The following EPC1 variants were observed in gnomAD, a reference collection of about 807,000 sequenced individuals.
EPC1 encodes the protein enhancer of polycomb homolog 1.
EPC1 carries 12 observed loss-of-function variants against 98.4 expected under a neutral mutation model. The ratio of observed to expected loss-of-function variants is 0.12; its 90% CI spans 0.08 to 0.20. The LOEUF is 0.20. EPC1 is among the 10% of genes least tolerant of loss of function. The pLI, the probability that EPC1 is intolerant of heterozygous loss-of-function variation, is 1.00. For missense variants in EPC1, 729 were observed against 990.5 expected (o/e 0.74, Z 3.54); for synonymous variants, 357 against 363.9 (o/e 0.98, Z 0.21).
At chr10:32,324,591 ATAAG>A (rs1837152230) in intron 1 of EPC1, among the ~76,000 whole-genome samples, 1 of 152,010 alleles carries the variant, frequency 6.6e-6, no homozygotes. Context: ...TACTTAATAA[ATAAG>A]TAGATAAATT....
chr10:32,330,512 G>A (rs1035459588), intron 1 of EPC1, among the ~76,000 whole-genome samples: 19 of 152,090 alleles, frequency 1.2e-4, no homozygotes, highest in Non-Finnish European at 2.2e-4. Context: ...AGACACACAT[G>A]TATTAGGGAT....
At chr10:32,358,315 G>A (rs748339810) in intron 1 of EPC1, among the ~76,000 whole-genome samples, 4 of 152,116 alleles carry the variant, frequency 2.6e-5, no homozygotes, top group Non-Finnish European at 5.9e-5. Flanking sequence ...TAAAGAACAC[G>A]TATAATCTGA....
At chr10:32,343,991 C>CT (rs533144832) in intron 1 of EPC1, among the ~76,000 whole-genome samples, 24 of 152,076 alleles carry the variant, frequency 1.6e-4, no homozygotes, top group Non-Finnish European at 3.2e-4. Context: ...GGACTACATA[C>CT]TTTTTTTTCT....
intron 1 of EPC1, among the ~76,000 whole-genome samples, chr10:32,331,466 A>G (rs1390869886): frequency 6.6e-6 from 1 of 152,122 alleles, no homozygotes; most frequent in African/African-American, 2.4e-5. Context: ...AATATACAAA[A>G]GTTTATAGAG....
chr10:32,358,459 C>T (rs769909427), intron 1 of EPC1, among the ~76,000 whole-genome samples: 4 of 151,862 alleles, frequency 2.6e-5, no homozygotes, highest in Non-Finnish European at 4.4e-5. Context: ...GCCTGGGCAA[C>T]ATAATGAGAC....
intron 1 of EPC1, among the ~76,000 whole-genome samples, chr10:32,308,093 T>C (rs190830115): frequency 6.6e-6 from 1 of 152,290 alleles, no homozygotes; most frequent in Non-Finnish European, 1.5e-5. Context: ...GAGAACAGAA[T>C]ATGCCAATGT....
chr10:32,307,727 G>A (rs1169138958), intron 1 of EPC1, among the ~76,000 whole-genome samples: 1 of 152,072 alleles, frequency 6.6e-6, no homozygotes, highest in Non-Finnish European at 1.5e-5. Flanking sequence ...ACTGACACAG[G>A]GCATTTTTGC....
chr10:32,319,529 C>T (rs1952310), intron 1 of EPC1, among the ~76,000 whole-genome samples: 17 of 152,198 alleles, frequency 1.1e-4, no homozygotes, highest in Admixed American at 1.1e-3. Flanking sequence ...CACGATATCC[C>T]TTATGTGACA....
chr10:32,286,629 A>C (rs1836690659), intron 9 of EPC1, 65 bp downstream of exon 9: 1 of 1,571,744 alleles, frequency 6.4e-7, no homozygotes, highest in Non-Finnish European at 8.7e-7. Flanking sequence ...CCTGACTTTA[A>C]AAGTTAGATT....
At chr10:32,322,664 T>C (rs1437361262) in intron 1 of EPC1, among the ~76,000 whole-genome samples, 1 of 152,222 alleles carries the variant, frequency 6.6e-6, no homozygotes, top group Non-Finnish European at 1.5e-5. Flanking sequence ...AGGATTTCTA[T>C]GAATGCTGAC....
At chr10:32,363,232 C>T (rs190557867) in intron 1 of EPC1, among the ~76,000 whole-genome samples, 3 of 152,266 alleles carry the variant, frequency 2.0e-5, no homozygotes, top group Admixed American at 2.0e-4. Flanking sequence ...TGCCACCACA[C>T]CTGGCTAATC....
chr10:32,309,292 T>C (rs1382633799), intron 1 of EPC1, among the ~76,000 whole-genome samples: 1 of 152,118 alleles, frequency 6.6e-6, no homozygotes, highest in African/African-American at 2.4e-5. Context: ...GGAAAGTTCC[T>C]AAGACAAAGA....
At chr10:32,284,668 A>T (rs994555987) in intron 10 of EPC1, 30 bp downstream of exon 10, 2 of 1,537,160 alleles carry the variant, frequency 1.3e-6, no homozygotes, top group African/African-American at 2.7e-5. Context: ...ACATTTCTAT[A>T]GAAACGTACA....
intron 1 of EPC1, among the ~76,000 whole-genome samples, chr10:32,334,025 C>T (rs1837800109): frequency 1.3e-5 from 2 of 152,232 alleles, no homozygotes; most frequent in African/African-American, 4.8e-5. Flanking sequence ...TGCAAACAAA[C>T]ATGTACTACC....
intron 1 of EPC1, among the ~76,000 whole-genome samples, chr10:32,309,975 G>A (rs1031582046): frequency 4.0e-5 from 6 of 151,518 alleles, no homozygotes; most frequent in East Asian, 1.9e-4. Context: ...AGGGTATATC[G>A]TTTGAGGTCA....
intron 1 of EPC1, among the ~76,000 whole-genome samples, chr10:32,366,199 T>C (rs1234474079): frequency 6.6e-6 from 1 of 152,204 alleles, no homozygotes; most frequent in Non-Finnish European, 1.5e-5. Context: ...TTATGTTTCA[T>C]ATGATGCTTT....
chr10:32,310,644 G>A (rs569808931), intron 1 of EPC1, among the ~76,000 whole-genome samples: 4 of 152,228 alleles, frequency 2.6e-5, no homozygotes, highest in East Asian at 1.9e-4. Flanking sequence ...CAGGCCAGAC[G>A]TGGTGGCTTA....
intron 10 of EPC1, among the ~76,000 whole-genome samples, chr10:32,278,800 G>C (rs972935979): frequency 6.6e-6 from 1 of 152,042 alleles, no homozygotes; most frequent in South Asian, 2.1e-4. Flanking sequence ...CAGGGTTCAC[G>C]AGCCTTATCA....
intron 1 of EPC1, 200 bp downstream of exon 1, chr10:32,346,563 G>A (rs1172206833): frequency 1.7e-6 from 1 of 588,560 alleles, no homozygotes; most frequent in Non-Finnish European, 3.0e-6. Flanking sequence ...TCAGCGGGTG[G>A]CCTTAGAAGG....
Sources: gnomAD v4.1 joint callset for allele counts (sites outside exome capture counted in the v4.1 genomes callset) on GRCh38, gnomAD v4.1.1 for gene constraint, MANE v1.5 for transcripts, NCBI Gene and HGNC (gene_info 2026-07-23, HGNC 2026-07-21) for gene names.